The following DOCK1 variants were observed in gnomAD, a reference collection of about 807,000 sequenced individuals.
DOCK1 encodes the protein dedicator of cytokinesis 1.
A neutral mutation model predicts 262.7 loss-of-function variants in DOCK1; 138 were observed. That is an observed-to-expected ratio of 0.53 (90% CI 0.46 to 0.61). The LOEUF is 0.61. DOCK1 is among the 20% of genes least tolerant of loss of function. The pLI is 0.00. For missense variants in DOCK1, 1,908 were observed against 2,370.7 expected, an observed-to-expected ratio of 0.80 and a Z score of 4.05; for synonymous variants, 866 against 867.4, an observed-to-expected ratio of 1.00 and a Z score of 0.03.
chr10:127,175,705 C>T lies in DOCK1; in HGVS notation c.2847+47941C>T. The T allele has an allele frequency of 5.0e-6, 8 of 1,613,944 alleles. No individual in the cohort carries two copies. Among genetic ancestry groups the T allele is most frequent in the Non-Finnish European group, 6.8e-6 (8 of 1,180,004 alleles). On this transcript the variant is annotated intron_variant, in intron 27 of 51. Coordinates refer to ENST00000623213, the MANE Select transcript of DOCK1 (RefSeq NM_001290223.2). The surrounding 1 kb of genome is among the most constrained non-coding windows in gnomAD (Gnocchi z 6.3). Reference sequence around the variant, plus strand: ...TCCTCGGAGTTTGGCCTCCCCCGGTCCTGCTTGGCCCTCCCGAGCAGCTGG... The same window carrying T: ...TCCTCGGAGTTTGGCCTCCCCCGGTTCTGCTTGGCCCTCCCGAGCAGCTGG...
intron 27 of DOCK1, among the ~76,000 whole-genome samples, chr10:127,148,932 G>A (rs915816201): frequency 6.6e-6 from 1 of 152,156 alleles, no homozygotes; most frequent in Non-Finnish European, 1.5e-5. Flanking sequence ...AGATGTAGCT[G>A]TGTCAACCAT....
At chr10:127,251,143 T>G (rs2059625639) in intron 28 of DOCK1, among the ~76,000 whole-genome samples, 1 of 151,880 alleles carries the variant, frequency 6.6e-6, no homozygotes, top group Non-Finnish European at 1.5e-5. Context: ...TTTTTGTATT[T>G]TTTAGTAGAG....
chr10:127,199,972 A>C (rs1212323865), intron 27 of DOCK1, among the ~76,000 whole-genome samples: 1 of 152,202 alleles, frequency 6.6e-6, no homozygotes, highest in African/African-American at 2.4e-5. Context: ...CAAACTAGCA[A>C]CTGCAGAAGA....
intron 12 of DOCK1, among the ~76,000 whole-genome samples, chr10:127,013,947 C>T (rs1399357606): frequency 2.0e-5 from 3 of 152,246 alleles, no homozygotes; most frequent in Non-Finnish European, 4.4e-5. Flanking sequence ...CTCATTTTAT[C>T]ACCAGCAGCC....
rs1242575437 is a variant in DOCK1 at position 126,995,041 on chromosome 10, C to T, written c.474-1707C>T. 1.3e-5 allele frequency among the ~76,000 whole-genome samples: 2 copies of T among 148,890 alleles called. No homozygotes were observed. The highest frequency in any genetic ancestry group is 4.0e-4 in the East Asian group (2 of 4,960). ...GCAGAGACACTCCTCAGTTCCCAGA[C>T]GGGGTCGTGGCTGGGCAGAGGCGCT... On this transcript the variant is annotated intron_variant, in intron 6 of 51. Coordinates refer to ENST00000623213, the MANE Select transcript of DOCK1 (RefSeq NM_001290223.2). The surrounding 1 kb of genome is among the most constrained non-coding windows in gnomAD (Gnocchi z 5.8).
intron 28 of DOCK1, among the ~76,000 whole-genome samples, chr10:127,255,566 C>T (rs1176121349): frequency 2.0e-5 from 3 of 152,294 alleles, no homozygotes; most frequent in East Asian, 3.9e-4. Context: ...ACCGCCATGG[C>T]TAGTGAATTA....
intron 27 of DOCK1, among the ~76,000 whole-genome samples, chr10:127,167,098 CTTA>C (rs1420957325): frequency 2.6e-5 from 4 of 151,612 alleles, no homozygotes; most frequent in Non-Finnish European, 4.4e-5. Context: ...GATGGAAAGC[CTTA>C]TTATTTTTTA....
intron 27 of DOCK1, among the ~76,000 whole-genome samples, chr10:127,230,397 A>C (rs2058798090): frequency 6.6e-6 from 1 of 152,046 alleles, no homozygotes; most frequent in Admixed American, 6.5e-5. Flanking sequence ...GCAGTTTTAC[A>C]GTTTCAGGCC....
intron 48 of DOCK1, among the ~76,000 whole-genome samples, chr10:127,435,251 G>T (rs1187731541): frequency 6.6e-6 from 1 of 152,074 alleles, no homozygotes; most frequent in East Asian, 1.9e-4. Context: ...CTGCTGATTT[G>T]TACAGTTGTT....
At chr10:126,982,020 T>C in intron 4 of DOCK1, 47 bp downstream of exon 4, 2 of 1,599,056 alleles carry the variant, frequency 1.3e-6, no homozygotes, top group Non-Finnish European at 1.7e-6. Flanking sequence ...AGTACTATAT[T>C]TGGCCTTGCT....
At chr10:126,970,839 TTC>T in intron 2 of DOCK1, 54 bp downstream of exon 2, 1 of 1,574,396 alleles carries the variant, frequency 6.4e-7, no homozygotes. Context: ...ATGGCACACC[TTC>T]TCAGTGCCTG....
intron 27 of DOCK1, among the ~76,000 whole-genome samples, chr10:127,247,359 G>T (rs12766027): frequency 1.3e-5 from 2 of 152,192 alleles, no homozygotes; most frequent in East Asian, 3.9e-4. Flanking sequence ...TCTTCTCGGG[G>T]AGGAGAATTG....
At chr10:126,916,672 C>CCCTCCTTCCTTT (rs762746599) in intron 1 of DOCK1, among the ~76,000 whole-genome samples, 2 of 151,884 alleles carry the variant, frequency 1.3e-5, no homozygotes, top group African/African-American at 2.4e-5. Flanking sequence ...TTTCTTCCTC[C>CCCTCCTTCCTTT]CCTCCTTCCT....
chr10:127,061,626 G>A, intron 22 of DOCK1, 42 bp from the exon 23 acceptor site: 1 of 1,518,846 alleles, frequency 6.6e-7, no homozygotes, highest in Non-Finnish European at 9.0e-7. Flanking sequence ...AAATGTTGAG[G>A]TGTTTCTGCC....
intron 1 of DOCK1, among the ~76,000 whole-genome samples, chr10:126,941,831 C>T (rs953725622): frequency 8.5e-5 from 13 of 152,140 alleles, no homozygotes; most frequent in Non-Finnish European, 1.5e-4. Context: ...AGTGTATAAT[C>T]ACCTTTCCTA....
At chr10:127,385,430 T>TTA (rs2066056339) in intron 38 of DOCK1, among the ~76,000 whole-genome samples, 1 of 147,134 alleles carries the variant, frequency 6.8e-6, no homozygotes, top group Non-Finnish European at 1.5e-5. Context: ...AGTAACTATT[T>TTA]AAAAAAAAAA....
At chr10:127,340,428 A>G (rs1270244641) in intron 30 of DOCK1, among the ~76,000 whole-genome samples, 3 of 152,096 alleles carry the variant, frequency 2.0e-5, no homozygotes, top group Non-Finnish European at 2.9e-5. Context: ...GAACTGGATC[A>G]TACCCTGTGT....
At chr10:127,402,499 A>G (rs2067279024) in intron 38 of DOCK1, among the ~76,000 whole-genome samples, 1 of 152,252 alleles carries the variant, frequency 6.6e-6, no homozygotes, top group Admixed American at 6.5e-5. Flanking sequence ...AAATGATAAC[A>G]GGCTTTATAT....
intron 25 of DOCK1, 111 bp from the exon 26 acceptor site, chr10:127,125,363 G>A (rs186873756): frequency 1.2e-5 from 17 of 1,477,248 alleles, no homozygotes; most frequent in East Asian, 7.0e-5. Context: ...TCAGTTCCAC[G>A]TGTTGCACAA....
Sources: allele counts gnomAD v4.1 joint callset (sites outside exome capture counted in the v4.1 genomes callset), GRCh38; gene constraint gnomAD v4.1.1; non-coding constraint Gnocchi (gnomAD v3.1); transcripts MANE v1.5; gene names NCBI Gene and HGNC (gene_info 2026-07-23, HGNC 2026-07-21).